Variants in COLEC10 observed in about 807,000 individuals in gnomAD.
COLEC10 encodes the protein collectin subfamily member 10.
Under a neutral mutation model 28.4 loss-of-function variants are expected in COLEC10, and 22 were observed. That is an observed-to-expected ratio of 0.78 (90% CI 0.55 to 1.11). The LOEUF is 1.11. Among genes scored for constraint, COLEC10 ranks in the 50% least tolerant of loss-of-function variants. COLEC10 has a pLI of 0.00. For synonymous variants in COLEC10, 125 were observed against 116.1 expected, an observed-to-expected ratio of 1.08 and a Z score of -0.49; for missense variants, 361 against 344.1, an observed-to-expected ratio of 1.05 and a Z score of -0.39.
chr8:119,030,859 A>G (rs1030667451), intron 2 of COLEC10, among the ~76,000 whole-genome samples: 4 of 152,200 alleles, frequency 2.6e-5, no homozygotes, highest in African/African-American at 9.7e-5. Context: ...GTGCAAAAAT[A>G]CTTATAATTA....
the COLEC10 span, among the ~76,000 whole-genome samples, chr8:118,990,046 A>G: frequency 6.6e-6 from 1 of 151,940 alleles, no homozygotes; most frequent in Non-Finnish European, 1.5e-5. Flanking sequence ...AACTGTAACA[A>G]TAACAACTTG....
chr8:119,083,900 A>G (rs1815415895), intron 1 of COLEC10, among the ~76,000 whole-genome samples: 1 of 152,136 alleles, frequency 6.6e-6, no homozygotes, highest in African/African-American at 2.4e-5. Flanking sequence ...TGACTATAAA[A>G]TTCCTATTTT....
At chr8:118,993,033 A>G (rs569749271), upstream of COLEC10, among the ~76,000 whole-genome samples, 1 of 152,292 alleles carries the variant, frequency 6.6e-6, no homozygotes, top group African/African-American at 2.4e-5. Flanking sequence ...TTCCCTTTGC[A>G]GGGAGGTTTA....
rs901693459 is a variant in COLEC10 at position 119,099,663 on chromosome 8, G to A, written c.293-2685G>A. On this transcript the variant is annotated intron_variant, in intron 3 of 5. Coordinates refer to ENST00000332843, the MANE Select transcript of COLEC10 (RefSeq NM_006438.5). ...CAAAATACTGAAAACTAGTCACAGA[G>A]TTTATGTCTTCTCAGAAAAAAAGAC... Among the ~76,000 whole-genome samples the A allele has an allele frequency of 5.3e-5, 8 of 152,166 alleles. No homozygotes were observed. In the East Asian group the frequency reaches 1.5e-3, roughly 29 times the overall value.
intron 2 of COLEC10, among the ~76,000 whole-genome samples, chr8:119,022,621 T>C (rs1814119508): frequency 6.6e-6 from 1 of 152,094 alleles, no homozygotes; most frequent in African/African-American, 2.4e-5. Flanking sequence ...CCAGTGACTT[T>C]TTCCCACCTT....
At chr8:119,039,139 C>A (rs1814445266) in intron 2 of COLEC10, among the ~76,000 whole-genome samples, 2 of 152,220 alleles carry the variant, frequency 1.3e-5, no homozygotes, top group South Asian at 4.1e-4. Context: ...CCATGCAGAA[C>A]CTTCATTTGG....
At chr8:119,091,807 T>C (rs1033116262) in intron 3 of COLEC10, among the ~76,000 whole-genome samples, 2 of 152,106 alleles carry the variant, frequency 1.3e-5, no homozygotes, top group African/African-American at 2.4e-5. Context: ...TGAAACAAGA[T>C]GGCAGAAACA....
rs2130318078 is a variant in COLEC10 at position 119,107,766 on chromosome 8, C to CTGG, written c.*1578_*1580dup. ...GCCAGCTGCTCCTCAGTGGCTGCTG[C>CTGG]TGGTGCTAGGGAGGACCCAATCTTG... is the stretch of plus-strand genomic sequence containing the variant. On this transcript the variant is annotated 3_prime_UTR_variant, in exon 6 of 6. Transcript: ENST00000332843. 6.6e-6 allele frequency among the ~76,000 whole-genome samples: 1 copy of CTGG among 152,296 alleles called. No individual in the cohort carries two copies. The highest frequency in any genetic ancestry group is 2.1e-4 in the South Asian group (1 of 4,824).
chr8:118,983,048 G>C, the COLEC10 span, among the ~76,000 whole-genome samples: 2 of 152,138 alleles, frequency 1.3e-5, no homozygotes, highest in South Asian at 4.1e-4. Context: ...ATGAAATGCT[G>C]GTAGAATGGA....
At chr8:118,972,804 T>A in the COLEC10 span, among the ~76,000 whole-genome samples, 2 of 151,962 alleles carry the variant, frequency 1.3e-5, no homozygotes, top group Non-Finnish European at 2.9e-5. Context: ...AAGACATACC[T>A]GAGACTGGGT....
intron 3 of COLEC10, among the ~76,000 whole-genome samples, chr8:119,100,226 T>G (rs1489571943): frequency 6.6e-6 from 1 of 152,138 alleles, no homozygotes; most frequent in Non-Finnish European, 1.5e-5. Context: ...ATGGTTGGGC[T>G]GGAATATCAG....
At chr8:119,077,155 C>T (rs1264026189) in intron 1 of COLEC10, among the ~76,000 whole-genome samples, 2 of 151,830 alleles carry the variant, frequency 1.3e-5, no homozygotes, top group African/African-American at 4.8e-5. Context: ...ATATGACCTG[C>T]TTTCCTCAAT....
At chr8:118,960,559 T>C in the COLEC10 span, among the ~76,000 whole-genome samples, 1 of 151,596 alleles carries the variant, frequency 6.6e-6, no homozygotes, top group Non-Finnish European at 1.5e-5. Flanking sequence ...CTGAGGCGGG[T>C]GGATCACGAG....
intron 2 of COLEC10, among the ~76,000 whole-genome samples, chr8:119,018,172 A>G (rs952797181): frequency 2.6e-5 from 4 of 152,168 alleles, no homozygotes; most frequent in Non-Finnish European, 5.9e-5. Flanking sequence ...GCACTGCGCC[A>G]TCTTAGTGGG....
rs1814792903 is a variant in COLEC10 at position 119,058,043 on chromosome 8, GC to G, written n.236-31635del. Reference sequence around the variant, plus strand: ...TCTATGAATTACTTTGACTGCAAAAGCCTCAACTGCCAAGACATTATATCAG... The same window carrying G: ...TCTATGAATTACTTTGACTGCAAAAGCTCAACTGCCAAGACATTATATCAG... On this transcript the variant is annotated intron_variant and non_coding_transcript_variant, in intron 2 of 6. Transcript: ENST00000521788. 3.3e-5 allele frequency among the ~76,000 whole-genome samples: 5 copies of G among 151,872 alleles called. No homozygotes were observed. In the South Asian group the frequency reaches 1.0e-3, roughly 32 times the overall value.
chr8:118,983,084 C>T, the COLEC10 span, among the ~76,000 whole-genome samples: 1 of 152,178 alleles, frequency 6.6e-6, no homozygotes, highest in Non-Finnish European at 1.5e-5. Context: ...GGATGTCCTA[C>T]ATCTTTGCTG....
intron 2 of COLEC10, among the ~76,000 whole-genome samples, chr8:119,029,570 T>C (rs1006992123): frequency 1.3e-5 from 2 of 152,140 alleles, no homozygotes; most frequent in Admixed American, 6.5e-5. Context: ...CACTCACGTT[T>C]AGATGGAGCA....
chr8:119,076,344 C>T (rs1011686337), intron 1 of COLEC10, among the ~76,000 whole-genome samples: 1 of 151,324 alleles, frequency 6.6e-6, no homozygotes, highest in African/African-American at 2.4e-5. Flanking sequence ...TTACTGCAAC[C>T]TCTGCCTCCC....
chr8:118,964,196 A>G, the COLEC10 span, among the ~76,000 whole-genome samples: 1 of 152,160 alleles, frequency 6.6e-6, no homozygotes, highest in African/African-American at 2.4e-5. Context: ...CTAATAGCCA[A>G]TCTTGACCAT....
Sources: allele counts gnomAD v4.1 joint callset (sites outside exome capture counted in the v4.1 genomes callset), GRCh38; gene constraint gnomAD v4.1.1; transcripts MANE v1.5; gene names NCBI Gene and HGNC (gene_info 2026-07-23, HGNC 2026-07-21).